Variants in SGCD observed in about 807,000 individuals in gnomAD.
SGCD encodes sarcoglycan delta.
A neutral mutation model predicts 36.6 loss-of-function variants in SGCD; 18 were observed. That is an observed-to-expected ratio of 0.49 (90% CI 0.34 to 0.73). The LOEUF (loss-of-function observed/expected upper bound fraction) is 0.73. Ranked by LOEUF, SGCD falls within the 30% of genes least tolerant of loss-of-function variation. The pLI, the probability that SGCD is intolerant of heterozygous loss-of-function variation, is 0.01. For missense variants in SGCD, 387 were observed against 346.7 expected, an observed-to-expected ratio of 1.12 and a Z score of -0.92; for synonymous variants, 133 against 130.6, an observed-to-expected ratio of 1.02 and a Z score of -0.12.
Position 156,027,695 on chromosome 5 carries a change from T to A in SGCD, c.-281-90183T>A, listed in dbSNP as rs1416622864. 2.6e-5 allele frequency among the ~76,000 whole-genome samples: 4 copies of A among 152,198 alleles called. No homozygotes were observed. In the East Asian group the frequency reaches 7.7e-4, roughly 29 times the overall value. On this transcript the variant is annotated intron_variant, in intron 1 of 9. Coordinates refer to the SGCD transcript ENST00000517913. ...GATCTAATGAGGGCTAAGACAGATGTTACATTATTTTGTATAGTACATCAG... is the reference window on the plus strand; with the variant it reads ...GATCTAATGAGGGCTAAGACAGATGATACATTATTTTGTATAGTACATCAG...
intron 2 of SGCD, among the ~76,000 whole-genome samples, chr5:156,339,462 A>G (rs1325393262): frequency 6.6e-6 from 1 of 152,246 alleles, no homozygotes; most frequent in African/African-American, 2.4e-5. Context: ...TAGAGAATAT[A>G]CTTTACTGTT....
At chr5:155,871,956 AG>A (rs1755664387) in intron 1 of SGCD, among the ~76,000 whole-genome samples, 1 of 152,210 alleles carries the variant, frequency 6.6e-6, no homozygotes, top group Non-Finnish European at 1.5e-5. Flanking sequence ...AGAGGTAGAA[AG>A]TCCAGTTAGA....
intron 7 of SGCD, among the ~76,000 whole-genome samples, chr5:156,751,523 C>A (rs1305467755): frequency 6.6e-6 from 1 of 152,052 alleles, no homozygotes; most frequent in South Asian, 2.1e-4. Context: ...AAAGACAAAC[C>A]ACAAACGGAA....
At chr5:156,081,739 C>A (rs149400430) in intron 1 of SGCD, among the ~76,000 whole-genome samples, 1 of 152,074 alleles carries the variant, frequency 6.6e-6, no homozygotes, top group Admixed American at 6.6e-5. Flanking sequence ...TCTGTAAGGG[C>A]AAAGGGAAAA....
At chr5:155,964,474 G>A (rs1321945579) in intron 1 of SGCD, among the ~76,000 whole-genome samples, 3 of 151,954 alleles carry the variant, frequency 2.0e-5, no homozygotes, top group African/African-American at 4.8e-5. Flanking sequence ...GAATAGGTGG[G>A]ATTACAGGCA....
chr5:156,434,680 T>A (rs1221042344), intron 3 of SGCD, among the ~76,000 whole-genome samples: 1 of 152,126 alleles, frequency 6.6e-6, no homozygotes, highest in African/African-American at 2.4e-5. Flanking sequence ...GAAAACCAAA[T>A]TAGCCAAACT....
At chr5:156,565,505 G>A (rs1759441681) in intron 4 of SGCD, among the ~76,000 whole-genome samples, 1 of 151,964 alleles carries the variant, frequency 6.6e-6, no homozygotes, top group Non-Finnish European at 1.5e-5. Context: ...AATCTTTTGG[G>A]GGGATTTATT....
the SGCD span, among the ~76,000 whole-genome samples, chr5:155,861,146 T>C: frequency 1.3e-5 from 2 of 152,218 alleles, no homozygotes; most frequent in Non-Finnish European, 2.9e-5. Context: ...GCCTAGTGTC[T>C]GCCCTTTATT....
At chr5:156,759,082 T>C (rs1757444179) in intron 8 of SGCD, 135 bp from the exon 9 acceptor site, 1 of 661,984 alleles carries the variant, frequency 1.5e-6, no homozygotes, top group South Asian at 1.9e-5. Context: ...AAATCCCCAG[T>C]ACCAAAAATA....
chr5:156,707,069 ATAT>A (rs1754774089), intron 7 of SGCD, among the ~76,000 whole-genome samples: 1 of 152,202 alleles, frequency 6.6e-6, no homozygotes, highest in East Asian at 1.9e-4. Flanking sequence ...TTATATCAAA[ATAT>A]TATTCTATCA....
At chr5:155,783,245 T>A in the SGCD span, among the ~76,000 whole-genome samples, 63 of 152,318 alleles carry the variant, frequency 4.1e-4, no homozygotes, top group Middle Eastern at 3.4e-3. Flanking sequence ...TTCCACTTCA[T>A]ACACTATTAA....
intron 7 of SGCD, among the ~76,000 whole-genome samples, chr5:156,731,537 C>A (rs1756061365): frequency 1.3e-5 from 2 of 152,018 alleles, no homozygotes; most frequent in Admixed American, 6.6e-5. Flanking sequence ...TATCAAAGAT[C>A]AGATAGTTGT....
chr5:156,279,284 T>C (rs1262628128), intron 3 of SGCD, among the ~76,000 whole-genome samples: 1 of 152,186 alleles, frequency 6.6e-6, no homozygotes, highest in East Asian at 1.9e-4. Context: ...CTATAAAATT[T>C]ACATGTGACA....
intron 1 of SGCD, among the ~76,000 whole-genome samples, chr5:155,966,250 A>G (rs1162122912): frequency 1.3e-5 from 2 of 152,108 alleles, no homozygotes; most frequent in Non-Finnish European, 2.9e-5. Flanking sequence ...CTGAATGTCA[A>G]CATATACTCC....
intron 1 of SGCD, among the ~76,000 whole-genome samples, chr5:155,920,866 T>C (rs1756862183): frequency 6.6e-6 from 1 of 152,138 alleles, no homozygotes; most frequent in South Asian, 2.1e-4. Context: ...ATAAGGAATC[T>C]GTGTGGAGCC....
At chr5:156,359,022 G>C (rs1769637566) in intron 3 of SGCD, among the ~76,000 whole-genome samples, 1 of 152,070 alleles carries the variant, frequency 6.6e-6, no homozygotes, top group Non-Finnish European at 1.5e-5. Flanking sequence ...AAAATAAGAA[G>C]CTAAAAGGGA....
At chr5:155,737,365 T>A in the SGCD span, among the ~76,000 whole-genome samples, 31 of 152,220 alleles carry the variant, frequency 2.0e-4, no homozygotes, top group Non-Finnish European at 2.9e-4. Flanking sequence ...ATCCTATTAT[T>A]TACTTGCACA....
At chr5:155,944,509 G>T (rs542741072) in intron 1 of SGCD, among the ~76,000 whole-genome samples, 13 of 152,190 alleles carry the variant, frequency 8.5e-5, no homozygotes, top group Admixed American at 2.6e-4. Flanking sequence ...AGATTACCTC[G>T]TTGGGTCACA....
At chr5:156,537,016 AG>A (rs1758142808) in intron 4 of SGCD, among the ~76,000 whole-genome samples, 1 of 152,108 alleles carries the variant, frequency 6.6e-6, no homozygotes, top group Non-Finnish European at 1.5e-5. Context: ...TAAATATTTA[AG>A]CTGACTTCCT....
Sources: allele counts gnomAD v4.1 joint callset (sites outside exome capture counted in the v4.1 genomes callset), GRCh38; gene constraint gnomAD v4.1.1; transcripts MANE v1.5; gene names NCBI Gene and HGNC (gene_info 2026-07-23, HGNC 2026-07-21).